NUGGC: variants seen among roughly 807,000 people sequenced by gnomAD.
The protein encoded by NUGGC is nuclear GTPase, germinal center associated.
In NUGGC, 58 loss-of-function variants were observed where a neutral mutation model predicts 92.6. The observed-to-expected ratio is 0.63, with a 90% CI of 0.51 to 0.78. The LOEUF (loss-of-function observed/expected upper bound fraction) is 0.78, where lower values mean the gene tolerates loss of function less well. NUGGC is among the 30% of genes least tolerant of loss of function. The pLI, the probability that NUGGC is intolerant of heterozygous loss-of-function variation, is 0.00. For synonymous variants in NUGGC, 376 were observed against 366.4 expected (o/e 1.03, Z -0.30); for missense variants, 925 against 964.6 (o/e 0.96, Z 0.54).
chr8:28,048,618 C>G (rs933254107), intron 10 of NUGGC, among the ~76,000 whole-genome samples: 7 of 152,068 alleles, frequency 4.6e-5, no homozygotes, highest in Non-Finnish European at 1.0e-4. Flanking sequence ...AATCCTAGCA[C>G]TTTGGGAGGC....
At chr8:28,030,776 T>C (rs1809397618) in intron 15 of NUGGC, among the ~76,000 whole-genome samples, 1 of 152,126 alleles carries the variant, frequency 6.6e-6, no homozygotes, top group African/African-American at 2.4e-5. Context: ...TGGAAGAAAG[T>C]GGGTCACAGA....
At position 28,070,246 on chromosome 8, in the gene NUGGC, A is replaced by G; in HGVS notation, c.148+6T>C. 1 of 1,540,206 alleles carries G rather than the reference A, an allele frequency of 6.5e-7. No homozygotes were observed. The highest frequency in any genetic ancestry group is 8.8e-7 in the Non-Finnish European group (1 of 1,136,134). On this transcript the variant is annotated splice_donor_region_variant and intron_variant, in intron 3 of 18. Transcript: ENST00000413272. Reference sequence around the variant, plus strand: ...CATGTTAAAACAACAGTTCCAAGACACTCACATTCCTTAAGAGCACTCTGC... The same window carrying G: ...CATGTTAAAACAACAGTTCCAAGACGCTCACATTCCTTAAGAGCACTCTGC...
rs377732822 is a variant in NUGGC at position 28,064,606 on chromosome 8, G to T, written c.837C>A (p.Ser279=). 8 of 1,614,020 alleles carry T rather than the reference G, an allele frequency of 5.0e-6. No individual in the cohort carries two copies. The East Asian group carries it at 1.6e-4, about 31-fold the overall frequency. Reference sequence around the variant, plus strand: ...GCACGACCCCTTCTGGGATCAGGTCGGATTTGGGAAGTGTCACTTCCACAT... The same window carrying T: ...GCACGACCCCTTCTGGGATCAGGTCTGATTTGGGAAGTGTCACTTCCACAT... ...IKHVEVTLPK[S]DLIPEGVVLV... is the part of the protein sequence containing the mutation. The change falls in exon 7 of 19, where the codon TCC becomes TCA. Residue 279 remains serine, a synonymous_variant. Coordinates refer to ENST00000413272, the MANE Select transcript of NUGGC (RefSeq NM_001010906.2).
chr8:28,045,663 G>A lies in NUGGC; in HGVS notation c.1313-3C>T. 6.2e-7 allele frequency: 1 copy of A among 1,607,980 alleles called. No individual in the cohort carries two copies. The highest frequency in any genetic ancestry group is 8.5e-7 in the Non-Finnish European group (1 of 1,178,372). On this transcript the variant is annotated splice_polypyrimidine_tract_variant and splice_region_variant and intron_variant, in intron 11 of 18. Transcript: ENST00000413272. ...GTATTCTCTTAACTTAGGGATTTCT[G>A]GAATTCACAGGCAGCACAAATAATT... is the stretch of plus-strand genomic sequence containing the variant.
intron 1 of NUGGC, 100 bp from the exon 2 acceptor site, chr8:28,074,556 C>T (rs985900727): frequency 1.6e-5 from 12 of 728,986 alleles, no homozygotes; most frequent in African/African-American, 3.5e-5. Context: ...GTATTTCTGC[C>T]CATTCCAACG....
rs1046318836 is a variant in NUGGC at position 28,051,573 on chromosome 8, C to G, written c.1207-3961G>C. Among the ~76,000 whole-genome samples, 4 of 152,166 alleles carry G rather than the reference C, an allele frequency of 2.6e-5. 1 individual carries two copies. Among genetic ancestry groups the G allele is most frequent in the African/African-American group, 9.7e-5 (4 of 41,446 alleles). On this transcript the variant is annotated intron_variant, in intron 10 of 18. Transcript: ENST00000413272. ...AAAAATCCTGTCAGGTCAAATCAGGCAGTAAAACTTTGTGAATTAGGTTAA... is the reference window on the plus strand; with the variant it reads ...AAAAATCCTGTCAGGTCAAATCAGGGAGTAAAACTTTGTGAATTAGGTTAA...
intron 11 of NUGGC, 149 bp from the exon 12 acceptor site, chr8:28,045,809 T>C (rs1809818045): frequency 1.4e-6 from 1 of 698,312 alleles, no homozygotes. Flanking sequence ...CCAACCTTTC[T>C]GAAAAGCACT....
chr8:28,072,300 T>C (rs1810610146), intron 2 of NUGGC, among the ~76,000 whole-genome samples: 1 of 152,196 alleles, frequency 6.6e-6, no homozygotes, highest in Non-Finnish European at 1.5e-5. Context: ...GGTTGCTGGC[T>C]TGGTGGCTGG....
At chr8:28,024,885 C>T (rs985516633) in intron 18 of NUGGC, among the ~76,000 whole-genome samples, 2 of 152,228 alleles carry the variant, frequency 1.3e-5, no homozygotes, top group Non-Finnish European at 2.9e-5. Flanking sequence ...TCAAGAATAA[C>T]GATCTGAAGT....
At chr8:28,057,167 A>G (rs1032620879) in intron 9 of NUGGC, among the ~76,000 whole-genome samples, 6 of 152,160 alleles carry the variant, frequency 3.9e-5, no homozygotes, top group Non-Finnish European at 7.3e-5. Flanking sequence ...TACAAGAAAA[A>G]GTTGAATCGC....
chr8:28,026,551 G>A (rs1809265189), intron 18 of NUGGC, among the ~76,000 whole-genome samples: 1 of 152,182 alleles, frequency 6.6e-6, no homozygotes, highest in African/African-American at 2.4e-5. Flanking sequence ...GGAGAGAGCA[G>A]GGCAGAGCTG....
At chr8:28,070,654 G>A (rs1018638459) in intron 2 of NUGGC, among the ~76,000 whole-genome samples, 4 of 150,098 alleles carry the variant, frequency 2.7e-5, no homozygotes, top group South Asian at 2.1e-4. Flanking sequence ...AGAGTGCTGC[G>A]GCATGATCAC....
chr8:28,028,025 A>G (rs1460108116), intron 17 of NUGGC, among the ~76,000 whole-genome samples: 2 of 151,968 alleles, frequency 1.3e-5, no homozygotes, highest in Non-Finnish European at 2.9e-5. Flanking sequence ...TAGAACTAAA[A>G]TATTTTAAAA....
intron 10 of NUGGC, among the ~76,000 whole-genome samples, chr8:28,055,213 A>C (rs1460118634): frequency 6.6e-6 from 1 of 152,120 alleles, no homozygotes; most frequent in Admixed American, 6.6e-5. Flanking sequence ...AGTTTGTCCC[A>C]CTGCACTCCA....
chr8:28,033,567 A>C lies in NUGGC; in HGVS notation c.1742T>G (p.Ile581Ser), dbSNP rs760876247. Residue 581 changes from isoleucine to serine, a missense_variant, in exon 14 of 19, where the codon ATC becomes AGC. Transcript: ENST00000413272. ...EALTQPVYDQ[I>S]DPVFGSIFRT... ...AAAAATGCTTCCAAAAACAGGGTCG[A>C]TCTGGTCATAGACGGGCTGAGTGAG... is the stretch of plus-strand genomic sequence containing the variant. 5.6e-6 allele frequency: 9 copies of C among 1,613,882 alleles called. No individual in the cohort carries two copies. The highest frequency in any genetic ancestry group is 7.6e-6 in the Non-Finnish European group (9 of 1,179,860).
Position 28,055,951 on chromosome 8 carries a change from AC to A in NUGGC, c.1206+13del, listed in dbSNP as rs1810122378. The A allele has an allele frequency of 7.4e-7, 1 of 1,356,616 alleles. No individual in the cohort carries two copies. 84.0% of individuals were successfully genotyped at this position (1,356,616 alleles called of 1,614,324 possible). On this transcript the variant is annotated intron_variant, in intron 10 of 18. Coordinates refer to ENST00000413272, the MANE Select transcript of NUGGC (RefSeq NM_001010906.2). Reference sequence around the variant, plus strand: ...GGGATACAGAAAAACACATAGAGAAACCTATTAACTCACCTTCAGTTTTTCC... The same window carrying A: ...GGGATACAGAAAAACACATAGAGAAACTATTAACTCACCTTCAGTTTTTCC...
chr8:28,025,309 A>T (rs2130054616), intron 18 of NUGGC, among the ~76,000 whole-genome samples: 1 of 152,324 alleles, frequency 6.6e-6, no homozygotes. Flanking sequence ...ACCCCCTGAC[A>T]TGATGTATAT....
chr8:28,041,278 C>T, intron 12 of NUGGC, 63 bp from the exon 13 acceptor site: 1 of 1,490,916 alleles, frequency 6.7e-7, no homozygotes, highest in Non-Finnish European at 9.1e-7. Context: ...TCTCCTGAAG[C>T]TTTGCTTTCT....
At chr8:28,057,730 G>A (rs1411383879) in intron 9 of NUGGC, among the ~76,000 whole-genome samples, 1 of 152,080 alleles carries the variant, frequency 6.6e-6, no homozygotes, top group Non-Finnish European at 1.5e-5. Context: ...TTAATCGACT[G>A]TTTATGCTAT....
Sources: allele counts gnomAD v4.1 joint callset (sites outside exome capture counted in the v4.1 genomes callset), GRCh38; gene constraint gnomAD v4.1.1; transcripts MANE v1.5; gene names NCBI Gene and HGNC (gene_info 2026-07-23, HGNC 2026-07-21).